The following CAMSAP1 variants were observed in gnomAD, a reference collection of about 807,000 sequenced individuals.
The protein encoded by CAMSAP1 is calmodulin regulated spectrin associated protein 1, also known as calmodulin-regulated spectrin-associated protein 1.
A neutral mutation model predicts 143.5 loss-of-function variants in CAMSAP1; 58 were observed. The ratio of observed to expected loss-of-function variants is 0.40; its 90% CI spans 0.33 to 0.50. The LOEUF (loss-of-function observed/expected upper bound fraction) is 0.50, where lower values mean the gene tolerates loss of function less well. CAMSAP1 is among the 20% of genes least tolerant of loss of function. The pLI, the probability that CAMSAP1 is intolerant of heterozygous loss-of-function variation, is 0.45. For synonymous variants in CAMSAP1, 945 were observed against 859.3 expected, an observed-to-expected ratio of 1.10 and a Z score of -1.74; for missense variants, 1,969 against 2,115.7, an observed-to-expected ratio of 0.93 and a Z score of 1.36.
intron 7 of CAMSAP1, among the ~76,000 whole-genome samples, chr9:135,839,702 G>A (rs1012696331): frequency 3.3e-5 from 5 of 152,076 alleles, no homozygotes; most frequent in Admixed American, 6.5e-5. Context: ...CCCATAAGAC[G>A]GAGTTGTGCC....
intron 5 of CAMSAP1, among the ~76,000 whole-genome samples, chr9:135,861,037 G>C (rs933112707): frequency 5.3e-5 from 8 of 152,198 alleles, no homozygotes; most frequent in African/African-American, 1.9e-4. Flanking sequence ...CCCAAGAGCT[G>C]CATTTCCTCC....
Position 135,824,584 on chromosome 9 carries a change from G to C in CAMSAP1, c.1315+205C>G, listed in dbSNP as rs977735281. On this transcript the variant is annotated intron_variant, in intron 9 of 16. Transcript: ENST00000389532. The surrounding 1 kb of genome is among the most constrained non-coding windows in gnomAD (Gnocchi z 4.1). ...GGAGGCTGAGGCAGGAGAATTGCTT[G>C]AACCAGGGAGTCAGAGGCTGCAGTG... 6.6e-6 allele frequency among the ~76,000 whole-genome samples: 1 copy of C among 152,198 alleles called. No individual in the cohort carries two copies. Among genetic ancestry groups the C allele is most frequent in the Admixed American group, 6.5e-5 (1 of 15,284 alleles).
rs1026315728 is a variant in CAMSAP1 at position 135,819,123 on chromosome 9, C to A, written c.3846G>T (p.Glu1282Asp). Residue 1282 changes from glutamate to aspartate, a missense_variant, in exon 12 of 17, where the codon GAG becomes GAT. By Grantham distance (45) the Glu-to-Asp change is conservative. Coordinates refer to ENST00000389532, the MANE Select transcript of CAMSAP1 (RefSeq NM_015447.4). ...FFKDEQKAED[E>D]LAKKRAAFLL... ...GGAAGGCCGCCCGCTTCTTGGCGAG[C>A]TCATCTTCCGCTTTCTGTTCATCCT... 6.2e-7 allele frequency: 1 copy of A among 1,602,006 alleles called. No homozygotes were observed. Among genetic ancestry groups the A allele is most frequent in the Non-Finnish European group, 8.5e-7 (1 of 1,175,632 alleles).
intron 8 of CAMSAP1, 140 bp from the exon 9 acceptor site, chr9:135,825,020 T>A (rs1231553116): frequency 1.7e-5 from 12 of 700,868 alleles, no homozygotes; most frequent in Non-Finnish European, 2.6e-5. Context: ...AAAATGACAA[T>A]AAAAATGAGC....
At position 135,826,205 on chromosome 9, in the gene CAMSAP1, C is replaced by G. The variant is rs1458903639; in HGVS notation, c.1223+1202G>C. ...GTACACGGGCACCAGCACACACACA[C>G]ACACACACACGGCTCAACAACAGAC... On this transcript the variant is annotated intron_variant, in intron 8 of 16. Coordinates refer to ENST00000389532, the MANE Select transcript of CAMSAP1 (RefSeq NM_015447.4). This position sits in a 1 kb window ranked among gnomAD's most constrained non-coding sequence, Gnocchi z 4.4. 7.0e-6 allele frequency: 1 copy of G among 143,700 alleles called. No homozygotes were observed. Among genetic ancestry groups the G allele is most frequent in the Admixed American group, 6.8e-5 (1 of 14,750 alleles). The allele number at this position is 143,700 out of a possible 1,614,324, so 8.9% of individuals were successfully genotyped here. A position where few individuals can be genotyped will look rare whatever the true frequency, so the allele number is the denominator to read the frequency against.
At chr9:135,880,835 C>CGG (rs973083875) in intron 3 of CAMSAP1, among the ~76,000 whole-genome samples, 1 of 152,066 alleles carries the variant, frequency 6.6e-6, no homozygotes, top group African/African-American at 2.4e-5. Flanking sequence ...CCAAAGGCTC[C>CGG]GGTAAGGTAA....
Position 135,811,565 on chromosome 9 carries a change from T to C in CAMSAP1, c.4553A>G (p.Asp1518Gly). The change falls in exon 17 of 17, where the codon GAT becomes GGT. Residue 1518 changes from aspartate (D) to glycine (G), a missense_variant. By Grantham distance (94) the Asp-to-Gly change is moderately conservative. This residue lies in a region of CAMSAP1 where 143 missense variants were observed against 200.6 expected (regional missense o/e 0.71). Coordinates refer to ENST00000389532, the MANE Select transcript of CAMSAP1 (RefSeq NM_015447.4). The surrounding 1 kb of genome is among the most constrained non-coding windows in gnomAD (Gnocchi z 4.9). ...AAGCGCCCTGAACTGGCAGCCAGCATCACGAAACAGTATGATGTAGTGATT... is the reference window on the plus strand; with the variant it reads ...AAGCGCCCTGAACTGGCAGCCAGCACCACGAAACAGTATGATGTAGTGATT... ...DANHYIILFR[D>G]AGCQFRALYC... 6.2e-7 allele frequency: 1 copy of C among 1,601,346 alleles called. No individual in the cohort carries two copies. The highest frequency in any genetic ancestry group is 8.5e-7 in the Non-Finnish European group (1 of 1,173,666).
At chr9:135,879,210 T>C (rs1175581133) in intron 3 of CAMSAP1, among the ~76,000 whole-genome samples, 1 of 152,164 alleles carries the variant, frequency 6.6e-6, no homozygotes, top group African/African-American at 2.4e-5. Context: ...ACAATGTATT[T>C]CTTTAAAATA....
At chr9:135,899,566 T>C (rs1838557432) in intron 1 of CAMSAP1, among the ~76,000 whole-genome samples, 1 of 152,086 alleles carries the variant, frequency 6.6e-6, no homozygotes, top group Admixed American at 6.5e-5. Flanking sequence ...GGTTCCCCAA[T>C]TCCCACAGAG....
At chr9:135,890,172 C>T (rs992390681) in intron 1 of CAMSAP1, among the ~76,000 whole-genome samples, 1 of 152,088 alleles carries the variant, frequency 6.6e-6, no homozygotes, top group African/African-American at 2.4e-5. Flanking sequence ...CCAACCCACA[C>T]CCATGGAGGC....
intron 5 of CAMSAP1, among the ~76,000 whole-genome samples, chr9:135,860,694 T>C (rs1329441248): frequency 6.7e-6 from 1 of 149,996 alleles, no homozygotes; most frequent in Non-Finnish European, 1.5e-5. Flanking sequence ...CGCCGTCTTC[T>C]TTAAGGTGTC....
chr9:135,814,014 C>T (rs55857182), intron 16 of CAMSAP1, among the ~76,000 whole-genome samples: 2,779 of 152,318 alleles, frequency 0.018, 40 homozygotes, highest in Middle Eastern at 0.027. Flanking sequence ...TAAATCTAAG[C>T]CCTGGGTCGA....
At chr9:135,894,411 T>C (rs987371636) in intron 1 of CAMSAP1, among the ~76,000 whole-genome samples, 1 of 152,170 alleles carries the variant, frequency 6.6e-6, no homozygotes, top group Non-Finnish European at 1.5e-5. Context: ...ACGGTGATGC[T>C]GAAATGTTCC....
chr9:135,817,944 G>T, intron 14 of CAMSAP1, 33 bp downstream of exon 14: 1 of 1,594,258 alleles, frequency 6.3e-7, no homozygotes, highest in Non-Finnish European at 8.6e-7. Flanking sequence ...ACGTCCTCCA[G>T]CCCCGTGCCG....
Position 135,882,434 on chromosome 9 carries a change from G to A in CAMSAP1, c.423+382C>T, listed in dbSNP as rs1317983635. Among the ~76,000 whole-genome samples, 3 of 152,032 alleles carry A rather than the reference G, an allele frequency of 2.0e-5. No individual in the cohort carries two copies. The highest frequency in any genetic ancestry group is 4.4e-5 in the Non-Finnish European group (3 of 68,018). ...AGAAAGATGGGGGTGGGATACTTGG[G>A]GGAGAAAAAGGCAGACTGAGTTATT... is the stretch of plus-strand genomic sequence containing the variant. On this transcript the variant is annotated intron_variant, in intron 2 of 16. Coordinates refer to ENST00000389532, the MANE Select transcript of CAMSAP1 (RefSeq NM_015447.4). This position sits in a 1 kb window ranked among gnomAD's most constrained non-coding sequence, Gnocchi z 4.9.
At chr9:135,888,575 T>C (rs1233747636) in intron 1 of CAMSAP1, among the ~76,000 whole-genome samples, 1 of 152,182 alleles carries the variant, frequency 6.6e-6, no homozygotes, top group African/African-American at 2.4e-5. Context: ...CTGAGCCACC[T>C]GGGAGCTGAG....
intron 7 of CAMSAP1, among the ~76,000 whole-genome samples, chr9:135,829,570 T>C (rs1239467608): frequency 6.7e-6 from 1 of 148,942 alleles, no homozygotes; most frequent in Non-Finnish European, 1.5e-5. Flanking sequence ...TAACAATAAA[T>C]TGGCCAGGCA....
chr9:135,902,155 T>C (rs73561645), intron 1 of CAMSAP1, among the ~76,000 whole-genome samples: 6,349 of 152,256 alleles, frequency 0.042, 442 homozygotes, highest in African/African-American at 0.14. Flanking sequence ...CCCACAGTAT[T>C]TAGTACCACC....
intron 3 of CAMSAP1, among the ~76,000 whole-genome samples, chr9:135,875,521 A>G (rs979560360): frequency 1.4e-4 from 22 of 152,136 alleles, no homozygotes; most frequent in African/African-American, 4.3e-4. Flanking sequence ...AAAAACAATT[A>G]TTTTTTAACA....
Sources: allele counts gnomAD v4.1 joint callset (sites outside exome capture counted in the v4.1 genomes callset), GRCh38; gene constraint gnomAD v4.1.1; regional missense constraint gnomAD v4.1.1; non-coding constraint Gnocchi (gnomAD v3.1); transcripts MANE v1.5; gene names NCBI Gene and HGNC (gene_info 2026-07-23, HGNC 2026-07-21).